Variants in HUS1 observed in about 807,000 individuals in gnomAD.
The protein encoded by HUS1 is HUS1 checkpoint clamp component, also known as checkpoint protein HUS1.
A neutral mutation model predicts 32.6 loss-of-function variants in HUS1; 31 were observed. The ratio of observed to expected loss-of-function variants is 0.95; its 90% confidence interval spans 0.72 to 1.28. The LOEUF is 1.28. HUS1 is among the 50% of genes most tolerant of loss of function. The pLI, the probability that HUS1 is intolerant of heterozygous loss-of-function variation, is 0.00. For synonymous variants in HUS1, 123 were observed against 116.6 expected (o/e 1.06, Z -0.36); for missense variants, 340 against 337.7 (o/e 1.01, Z -0.05).
At chr7:47,975,112 G>C (rs1788673504) in intron 5 of HUS1, among the ~76,000 whole-genome samples, 1 of 151,930 alleles carries the variant, frequency 6.6e-6, no homozygotes, top group Non-Finnish European at 1.5e-5. Context: ...AGGAGATCGA[G>C]ACCATCCTGG....
intron 5 of HUS1, among the ~76,000 whole-genome samples, chr7:47,975,243 G>A (rs190455796): frequency 1.9e-3 from 284 of 151,590 alleles, no homozygotes; most frequent in African/African-American, 6.6e-3. Context: ...GCATGAACCC[G>A]GGAGGCGGAG....
Position 47,963,356 on chromosome 7 carries a change from A to G in HUS1, c.*2000T>C, listed in dbSNP as rs1788408582. ...ATAAAATCTTAAGCCATTCATTAAA[A>G]TCTTCAAAATTATATGTATTTGATA... On this transcript the variant is annotated 3_prime_UTR_variant, in exon 8 of 8. Transcript: ENST00000258774. 6.6e-6 allele frequency: 1 copy of G among 152,262 alleles called. No individual in the cohort carries two copies. Among genetic ancestry groups the G allele is most frequent in the African/African-American group, 2.4e-5 (1 of 41,476 alleles). 9.4% of individuals were successfully genotyped at this position (152,262 alleles called of 1,614,324 possible). A position where few individuals can be genotyped will look rare whatever the true frequency, so the allele number is the denominator to read the frequency against.
In HUS1 at chr7:47,971,459, C is replaced by T. The variant is rs570969857; in HGVS notation, c.541-2141G>A. On this transcript the variant is annotated intron_variant, in intron 5 of 7. Coordinates refer to ENST00000258774, the MANE Select transcript of HUS1 (RefSeq NM_004507.4). ...TCCACAGGTCACAAGGGACTCCTTT[C>T]CTTTGAAGCTCCTCTACCCACCCCA... 72 of 456,688 alleles carry T rather than the reference C, an allele frequency of 1.6e-4. 1 individual carries two copies. The highest frequency in any genetic ancestry group is 2.8e-4 in the Non-Finnish European group (64 of 226,964). The allele number at this position is 456,688 out of a possible 1,614,324, so 28.3% of individuals were successfully genotyped here. A position where few individuals can be genotyped will look rare whatever the true frequency, so the allele number is the denominator to read the frequency against.
At position 47,964,516 on chromosome 7, in the gene HUS1, T is replaced by C. The variant is rs2128763903; in HGVS notation, c.*840A>G. 1 of 152,348 alleles carries C rather than the reference T, an allele frequency of 6.6e-6. No individual in the cohort carries two copies. Among genetic ancestry groups the C allele is most frequent in the Non-Finnish European group, 1.5e-5 (1 of 68,024 alleles). 9.4% of individuals were successfully genotyped at this position (152,348 alleles called of 1,614,324 possible). The stretch of plus-strand genomic sequence containing the variant: ...TACCAGTACTGAATCAGCTTTGATG[T>C]TCAGAAACATCAAAGAAATATGGTC... On this transcript the variant is annotated 3_prime_UTR_variant, in exon 8 of 8. Coordinates refer to ENST00000258774, the MANE Select transcript of HUS1 (RefSeq NM_004507.4).
In HUS1 at chr7:47,967,937, G is replaced by A. The variant is rs755780630; in HGVS notation, c.641-12C>T. The A allele has an allele frequency of 1.0e-5, 16 of 1,606,750 alleles. No homozygotes were observed. Among genetic ancestry groups the A allele is most frequent in the African/African-American group, 1.3e-5 (1 of 74,690 alleles). On this transcript the variant is annotated splice_polypyrimidine_tract_variant and intron_variant, in intron 6 of 7. Coordinates refer to ENST00000258774, the MANE Select transcript of HUS1 (RefSeq NM_004507.4). ...GGTGCTTTCAGAGGCTAAAATGATA[G>A]GAATGCATTTAAATACAACATCTTC...
chr7:47,974,203 A>T (rs904781458), intron 5 of HUS1, among the ~76,000 whole-genome samples: 1 of 152,232 alleles, frequency 6.6e-6, no homozygotes, highest in South Asian at 2.1e-4. Flanking sequence ...TCCATGCAAC[A>T]CTTATTGCTG....
At chr7:47,972,127 T>C (rs1439094980) in intron 5 of HUS1, among the ~76,000 whole-genome samples, 1 of 152,192 alleles carries the variant, frequency 6.6e-6, no homozygotes, top group East Asian at 1.9e-4. Flanking sequence ...ATAAAATATA[T>C]AAAACAATCT....
rs1481541050 is a variant in HUS1 at position 47,965,303 on chromosome 7, C to T, written c.*53G>A. 13 of 1,171,174 alleles carry T rather than the reference C, an allele frequency of 1.1e-5. No homozygotes were observed. Among genetic ancestry groups the T allele is most frequent in the Non-Finnish European group, 1.4e-5 (11 of 775,986 alleles). 72.5% of individuals were successfully genotyped at this position (1,171,174 alleles called of 1,614,324 possible). A position where few individuals can be genotyped will look rare whatever the true frequency, so the allele number is the denominator to read the frequency against. ...ACCAGTGATCAGAACACAACACCTG[C>T]GGCCTCTCCCATCCTGACAAAGTCT... On this transcript the variant is annotated 3_prime_UTR_variant, in exon 8 of 8. Transcript: ENST00000258774.
At chr7:47,968,968 G>A (rs576905488) in intron 6 of HUS1, 6 of 364,864 alleles carry the variant, frequency 1.6e-5, no homozygotes, top group South Asian at 9.5e-5. Context: ...AACTTGATCC[G>A]AATTCTACAG....
At chr7:47,968,979 A>C in intron 6 of HUS1, 1 of 399,908 alleles carries the variant, frequency 2.5e-6, no homozygotes. Context: ...AATTCTACAG[A>C]GGATGGAGAC....
chr7:47,978,922 T>C lies in HUS1; in HGVS notation c.53-106A>G, dbSNP rs933169779. 6.9e-6 allele frequency: 8 copies of C among 1,160,086 alleles called. No individual in the cohort carries two copies. The African/African-American group carries it at 1.1e-4, about 16-fold the overall frequency. 71.9% of individuals were successfully genotyped at this position (1,160,086 alleles called of 1,614,324 possible). A position where few individuals can be genotyped will look rare whatever the true frequency, so the allele number is the denominator to read the frequency against. On this transcript the variant is annotated intron_variant, in intron 1 of 7. Transcript: ENST00000258774. The stretch of plus-strand genomic sequence containing the variant: ...GTTCATCAACTTCTCGGTGGAAAAA[T>C]AACCACTTAACGTTGGTATCACACT...
intron 3 of HUS1, among the ~76,000 whole-genome samples, chr7:47,978,016 A>G (rs561365972): frequency 2.0e-5 from 3 of 152,354 alleles, no homozygotes; most frequent in South Asian, 2.1e-4. Flanking sequence ...ATCTGGCAGT[A>G]GCATATAAAA....
At chr7:47,967,355 G>A (rs1187315329) in intron 7 of HUS1, among the ~76,000 whole-genome samples, 2 of 152,210 alleles carry the variant, frequency 1.3e-5, no homozygotes, top group Non-Finnish European at 2.9e-5. Context: ...CAGATATGGG[G>A]CAGCGAATGC....
At chr7:47,975,507 C>T (rs1346845110) in intron 5 of HUS1, 106 bp downstream of exon 5, 5 of 729,404 alleles carry the variant, frequency 6.9e-6, no homozygotes, top group African/African-American at 3.5e-5. Context: ...AGTGGGAACT[C>T]GGTTAGGAGG....
chr7:47,970,785 T>G (rs1216943998), intron 5 of HUS1, among the ~76,000 whole-genome samples: 1 of 152,134 alleles, frequency 6.6e-6, no homozygotes, highest in East Asian at 1.9e-4. Context: ...ATCCAAGCTG[T>G]GAAACAAAAT....
In HUS1 at chr7:47,965,174, GAT is replaced by G. The variant is rs1788451892; in HGVS notation, c.*180_*181del. On this transcript the variant is annotated 3_prime_UTR_variant, in exon 8 of 8. Coordinates refer to ENST00000258774, the MANE Select transcript of HUS1 (RefSeq NM_004507.4). Reference sequence around the variant, plus strand: ...AAAACAGACATGAGCAACATGAAGTGATATGTTTATCCAACTGTGTGTTGTTG... The same window carrying G: ...AAAACAGACATGAGCAACATGAAGTGATGTTTATCCAACTGTGTGTTGTTG... 2.0e-6 allele frequency: 1 copy of G among 503,330 alleles called. No individual in the cohort carries two copies. Among genetic ancestry groups the G allele is most frequent in the Non-Finnish European group, 3.6e-6 (1 of 278,288 alleles). 31.2% of individuals were successfully genotyped at this position (503,330 alleles called of 1,614,324 possible).
At chr7:47,976,275 G>A (rs1788701914) in intron 4 of HUS1, 1 of 441,384 alleles carries the variant, frequency 2.3e-6, no homozygotes, top group Non-Finnish European at 4.6e-6. Context: ...TGGGCCCTTT[G>A]GCATCATCTT....
At chr7:47,971,736 A>C (rs956599174) in intron 5 of HUS1, among the ~76,000 whole-genome samples, 6 of 152,178 alleles carry the variant, frequency 3.9e-5, no homozygotes, top group African/African-American at 1.4e-4. Context: ...GAAAAGTGCC[A>C]CCTAGCAACT....
chr7:47,968,186 T>C (rs962035305), intron 6 of HUS1, among the ~76,000 whole-genome samples: 64 of 152,032 alleles, frequency 4.2e-4, no homozygotes, highest in African/African-American at 1.5e-3. Context: ...TCAAAGAAAA[T>C]TTTATTTATT....
Sources: gnomAD v4.1 joint callset for allele counts (sites outside exome capture counted in the v4.1 genomes callset) on GRCh38, gnomAD v4.1.1 for gene constraint, MANE v1.5 for transcripts, NCBI Gene and HGNC (gene_info 2026-07-23, HGNC 2026-07-21) for gene names.